NEIL3: variants seen among roughly 807,000 people sequenced by gnomAD.
The protein encoded by NEIL3 is nei like DNA glycosylase 3, also known as endonuclease 8-like 3.
A neutral mutation model predicts 57.5 loss-of-function variants in NEIL3; 48 were observed. That is an observed-to-expected ratio of 0.83 (90% confidence interval 0.66 to 1.06). The LOEUF (loss-of-function observed/expected upper bound fraction) is 1.06, where lower values mean the gene tolerates loss of function less well. NEIL3 is among the 50% of genes least tolerant of loss of function. NEIL3 has a pLI of 0.00. For synonymous variants in NEIL3, 261 were observed against 253.2 expected (o/e 1.03, Z -0.29); for missense variants, 717 against 739.1 (o/e 0.97, Z 0.35).
At chr4:177,363,288 A>G (rs888458398), downstream of NEIL3, among the ~76,000 whole-genome samples, 8 of 152,204 alleles carry the variant, frequency 5.3e-5, no homozygotes, top group African/African-American at 1.7e-4. Context: ...GGACAGCACA[A>G]AGGTGGCTTG....
chr4:177,325,638 T>C (rs1232786686), intron 2 of NEIL3, among the ~76,000 whole-genome samples: 1 of 152,126 alleles, frequency 6.6e-6, no homozygotes, highest in East Asian at 1.9e-4. Context: ...GCCAAACTGT[T>C]CTTAAAAGTG....
chr4:177,367,433 G>A (rs1451477475), downstream of NEIL3, among the ~76,000 whole-genome samples: 1 of 152,050 alleles, frequency 6.6e-6, no homozygotes, highest in African/African-American at 2.4e-5. Context: ...AATCCCCACT[G>A]GTGCAGTCTG....
In NEIL3 at chr4:177,338,032, A is replaced by T. The variant is rs868209339; in HGVS notation, c.627+1711A>T. Among the ~76,000 whole-genome samples, 224 of 151,948 alleles carry T rather than the reference A, an allele frequency of 1.5e-3. 2 individuals are homozygous for T. Among genetic ancestry groups the T allele is most frequent in the African/African-American group, 5.0e-3 (209 of 41,450 alleles). On this transcript the variant is annotated intron_variant, in intron 4 of 9. Coordinates refer to ENST00000264596, the MANE Select transcript of NEIL3 (RefSeq NM_018248.3). ...GACTCTGTCTCTCTCTCTCACACAC[A>T]CACACACACACACACACATTTCTGA...
intron 3 of NEIL3, 76 bp from the exon 4 acceptor site, chr4:177,336,032 A>G (rs1734972231): frequency 1.2e-5 from 16 of 1,287,124 alleles, no homozygotes; most frequent in Non-Finnish European, 1.8e-5. Flanking sequence ...TGCTTATAGC[A>G]AAGCTCATTT....
At chr4:177,349,114 C>A (rs757273014) in intron 6 of NEIL3, among the ~76,000 whole-genome samples, 2 of 148,084 alleles carry the variant, frequency 1.4e-5, no homozygotes, top group Non-Finnish European at 3.0e-5. Flanking sequence ...GATCTCCTGA[C>A]CTTGTGATCC....
chr4:177,346,736 C>T (rs1735227645), intron 6 of NEIL3, among the ~76,000 whole-genome samples: 3 of 152,186 alleles, frequency 2.0e-5, no homozygotes, highest in Non-Finnish European at 4.4e-5. Flanking sequence ...GGTATGGTGG[C>T]TCACATCTGT....
chr4:177,353,719 A>T lies in NEIL3; in HGVS notation c.1451A>T (p.Tyr484Phe). The T allele has an allele frequency of 6.2e-7, 1 of 1,607,844 alleles. No individual in the cohort carries two copies. The highest frequency in any genetic ancestry group is 8.5e-7 in the Non-Finnish European group (1 of 1,177,570). The change falls in exon 8 of 10, where the codon TAT (tyrosine) becomes TTT (phenylalanine). Residue 484 changes from tyrosine (Y) to phenylalanine (F), a missense_variant. Tyr to Phe is a conservative substitution (Grantham distance 22). Coordinates refer to ENST00000264596, the MANE Select transcript of NEIL3 (RefSeq NM_018248.3). ...SPELKSCNPG[Y>F]SNSELQINMT... ...GAGCTTAAAAGCTGCAACCCTGGAT[A>T]TTCTAACAGGTATGATGCTTTTAAC...
intron 8 of NEIL3, among the ~76,000 whole-genome samples, chr4:177,357,802 C>T (rs765561026): frequency 3.9e-5 from 6 of 152,120 alleles, no homozygotes; most frequent in South Asian, 2.1e-4. Flanking sequence ...GCCTAAAATA[C>T]GTTATCTGAA....
chr4:177,353,686 C>G lies in NEIL3; in HGVS notation c.1418C>G (p.Ser473Ter). 1 of 1,613,524 alleles carries G rather than the reference C, an allele frequency of 6.2e-7. No homozygotes were observed. Among genetic ancestry groups the G allele is most frequent in the South Asian group, 1.1e-5 (1 of 91,034 alleles). Residue 473 changes from serine to a stop codon, truncating the protein, a stop_gained, in exon 8 of 10, where the codon TCA becomes TGA. Transcript: ENST00000264596. LOFTEE classifies it high-confidence loss of function. ...AAAAAACCGAAAACAGCCCAATACTCATCACCAGAGCTTAAAAGCTGCAAC... is the reference window on the plus strand; with the variant it reads ...AAAAAACCGAAAACAGCCCAATACTGATCACCAGAGCTTAAAAGCTGCAAC... ...AHKKPKTAQY[S>*]SPELKSCNPG... is the part of the protein sequence containing the mutation.
In NEIL3 at chr4:177,348,548, C is replaced by A. The variant is rs117297072; in HGVS notation, c.870-2832C>A. ...TGAGGTGATGCTGGCAGCACCCAGG[C>A]GCCAGGATTACCGCTGCCTGCAATC... On this transcript the variant is annotated intron_variant, in intron 6 of 9. Coordinates refer to ENST00000264596, the MANE Select transcript of NEIL3 (RefSeq NM_018248.3). Among the ~76,000 whole-genome samples, 20 of 152,210 alleles carry A rather than the reference C, an allele frequency of 1.3e-4. No homozygotes were observed. In the East Asian group the frequency reaches 3.7e-3, roughly 28 times the overall value.
the NEIL3 span, among the ~76,000 whole-genome samples, chr4:177,369,637 G>A: frequency 6.6e-6 from 1 of 152,256 alleles, no homozygotes; most frequent in South Asian, 2.1e-4. Flanking sequence ...TATGCATGGT[G>A]GTTAGTCACT....
chr4:177,362,055 A>G (rs1044157006), intron 9 of NEIL3, among the ~76,000 whole-genome samples: 15 of 152,180 alleles, frequency 9.9e-5, no homozygotes, highest in African/African-American at 3.6e-4. Flanking sequence ...GATAAAGGGA[A>G]GCTCAGAATT....
intron 9 of NEIL3, 67 bp from the exon 10 acceptor site, chr4:177,362,222 C>G: frequency 7.8e-7 from 1 of 1,281,462 alleles, no homozygotes; most frequent in Non-Finnish European, 1.1e-6. Context: ...TCACATGTGC[C>G]TAGGGTTAGC....
intron 5 of NEIL3, 39 bp downstream of exon 5, chr4:177,339,896 G>A (rs779765166): frequency 1.4e-6 from 2 of 1,421,746 alleles, no homozygotes; most frequent in South Asian, 1.2e-5. Context: ...AATGTAAAAT[G>A]TCAGTGGTTT....
chr4:177,335,995 A>G, intron 3 of NEIL3, 113 bp from the exon 4 acceptor site: 1 of 1,031,680 alleles, frequency 9.7e-7, no homozygotes, highest in Non-Finnish European at 1.4e-6. Flanking sequence ...TTGCATATGT[A>G]ACTCTTATAC....
In NEIL3 at chr4:177,351,306, A is replaced by G. The variant is rs563299302; in HGVS notation, c.870-74A>G. 1.1e-4 allele frequency: 112 copies of G among 1,039,860 alleles called. No homozygotes were observed. The Middle Eastern group carries it at 1.4e-3, about 13-fold the overall frequency. 64.4% of individuals were successfully genotyped at this position (1,039,860 alleles called of 1,614,324 possible). ...ATAGCATTGGGGTATTAATGGTTCT[A>G]TAATCATTTCTAAAATATCCAGACA... On this transcript the variant is annotated intron_variant, in intron 6 of 9. Coordinates refer to ENST00000264596, the MANE Select transcript of NEIL3 (RefSeq NM_018248.3).
intron 2 of NEIL3, 38 bp downstream of exon 2, chr4:177,322,618 A>G: frequency 6.2e-7 from 1 of 1,612,490 alleles, no homozygotes; most frequent in Non-Finnish European, 8.5e-7. Context: ...ATCTCTCTAT[A>G]TTTAAAGATG....
chr4:177,361,401 A>G (rs1470524244), intron 9 of NEIL3, among the ~76,000 whole-genome samples: 2 of 152,248 alleles, frequency 1.3e-5, no homozygotes, highest in Non-Finnish European at 2.9e-5. Flanking sequence ...GATATGTTTC[A>G]GTGCTGGCGC....
chr4:177,333,699 C>T (rs1432242616), intron 2 of NEIL3, among the ~76,000 whole-genome samples: 1 of 152,204 alleles, frequency 6.6e-6, no homozygotes, highest in African/African-American at 2.4e-5. Context: ...CTGGTGCTCA[C>T]ATCGGGAATC....
Sources: gnomAD v4.1 joint callset for allele counts (sites outside exome capture counted in the v4.1 genomes callset) on GRCh38, gnomAD v4.1.1 for gene constraint, MANE v1.5 for transcripts, NCBI Gene and HGNC (gene_info 2026-07-23, HGNC 2026-07-21) for gene names.